The following ARHGAP12 variants were observed in gnomAD, a reference collection of about 807,000 sequenced individuals.
The protein encoded by ARHGAP12 is rho GTPase-activating protein 12.
Under a neutral mutation model 108.6 loss-of-function variants are expected in ARHGAP12, and 64 were observed. That is an observed-to-expected ratio of 0.59 (90% CI 0.48 to 0.73). The LOEUF is 0.73. ARHGAP12 is among the 30% of genes least tolerant of loss of function. The pLI, the probability that ARHGAP12 is intolerant of heterozygous loss-of-function variation, is 0.00. For missense variants in ARHGAP12, 940 were observed against 1,005.9 expected, an observed-to-expected ratio of 0.93 and a Z score of 0.89; for synonymous variants, 312 against 337.2, an observed-to-expected ratio of 0.93 and a Z score of 0.82.
intron 3 of ARHGAP12, among the ~76,000 whole-genome samples, chr10:31,863,297 C>A (rs758943898): frequency 4.6e-5 from 7 of 152,052 alleles, no homozygotes; most frequent in Non-Finnish European, 8.8e-5. Context: ...AAAATAAATT[C>A]TGTTAATATA....
intron 6 of ARHGAP12, among the ~76,000 whole-genome samples, chr10:31,851,969 T>C (rs1836697907): frequency 6.6e-6 from 1 of 152,194 alleles, no homozygotes; most frequent in Non-Finnish European, 1.5e-5. Context: ...GTGATATGCA[T>C]ATGGCCACTT....
Position 31,809,239 on chromosome 10 carries a change from C to G in ARHGAP12, c.2119G>C (p.Val707Leu). 6.2e-7 allele frequency: 1 copy of G among 1,613,872 alleles called. No homozygotes were observed. The highest frequency in any genetic ancestry group is 8.5e-7 in the Non-Finnish European group (1 of 1,179,848). ...LAVIQKLRFAVNHDEKLDLND... is the reference protein window; with the variant it reads ...LAVIQKLRFALNHDEKLDLND... ...GTAAATATAATCTTACCATGATTGACTGCAAACCTTAGTTTCTGGATCACT... is the reference window on the plus strand; with the variant it reads ...GTAAATATAATCTTACCATGATTGAGTGCAAACCTTAGTTTCTGGATCACT... The change falls in exon 17 of 20, where the codon GTC becomes CTC. Residue 707 changes from valine (V) to leucine (L), a missense_variant. Coordinates refer to ENST00000344936, the MANE Select transcript of ARHGAP12 (RefSeq NM_018287.7).
intron 3 of ARHGAP12, among the ~76,000 whole-genome samples, chr10:31,876,915 A>G (rs1392891858): frequency 6.6e-6 from 1 of 152,190 alleles, no homozygotes; most frequent in Non-Finnish European, 1.5e-5. Flanking sequence ...AAGGTTCTAA[A>G]ATACAAAAGA....
At chr10:31,862,236 T>A (rs1006838818) in intron 3 of ARHGAP12, among the ~76,000 whole-genome samples, 1 of 152,212 alleles carries the variant, frequency 6.6e-6, no homozygotes, top group Non-Finnish European at 1.5e-5. Context: ...TACATTCTAT[T>A]CCTTCTCAGG....
chr10:31,894,760 T>G (rs1838607240), intron 3 of ARHGAP12, among the ~76,000 whole-genome samples: 1 of 152,158 alleles, frequency 6.6e-6, no homozygotes, highest in African/African-American at 2.4e-5. Context: ...TTAAAGTTCA[T>G]ATGGAACCAA....
At chr10:31,874,422 T>C (rs1281912552) in intron 3 of ARHGAP12, among the ~76,000 whole-genome samples, 1 of 152,226 alleles carries the variant, frequency 6.6e-6, no homozygotes, top group African/African-American at 2.4e-5. Flanking sequence ...TTAACAAGTA[T>C]GCATGAGAAA....
chr10:31,908,481 T>C lies in ARHGAP12; in HGVS notation c.375A>G (p.Gly125=), dbSNP rs1839225448. The change falls in exon 3 of 20, where the codon GGA becomes GGG. Residue 125 remains glycine, a synonymous_variant. Coordinates refer to ENST00000344936, the MANE Select transcript of ARHGAP12 (RefSeq NM_018287.7). The part of the protein sequence containing the change: ...SFGKPSSSVQ[G]TGLIRDANQN... ...GATTGGCATCACGAATAAGACCTGT[T>C]CCTTGAACAGATGACGATGGCTTTC... 6.2e-7 allele frequency: 1 copy of C among 1,614,256 alleles called. No individual in the cohort carries two copies. The highest frequency in any genetic ancestry group is 8.5e-7 in the Non-Finnish European group (1 of 1,180,052).
In ARHGAP12 at chr10:31,918,267, C is replaced by T. The variant is rs184253156; in HGVS notation, c.-110-7704G>A. Among the ~76,000 whole-genome samples the T allele has an allele frequency of 1.7e-3, 261 of 149,826 alleles. 2 individuals carry two copies. Among genetic ancestry groups the T allele is most frequent in the Admixed American group, 0.014 (213 of 14,940 alleles). On this transcript the variant is annotated intron_variant, in intron 1 of 19. Transcript: ENST00000344936. ...TTAAGGAGCATCTGTATATAAGCGG[C>T]CAGTAAGAACCTGCAAAGATGCTGA... is the stretch of plus-strand genomic sequence containing the variant.
intron 3 of ARHGAP12, among the ~76,000 whole-genome samples, chr10:31,869,059 A>T (rs891365212): frequency 3.9e-5 from 6 of 152,220 alleles, no homozygotes; most frequent in Admixed American, 3.3e-4. Context: ...ACTGAAAGAC[A>T]ATTCTTAAGT....
rs1834873643 is a variant in ARHGAP12, at chr10:31,807,840, G to A, written c.2367-8C>T. 10 of 1,488,688 alleles carry A rather than the reference G, an allele frequency of 6.7e-6. No individual in the cohort carries two copies. Among genetic ancestry groups the A allele is most frequent in the South Asian group, 5.6e-5 (4 of 71,444 alleles). 92.2% of individuals were successfully genotyped at this position (1,488,688 alleles called of 1,614,324 possible). A position where few individuals can be genotyped will look rare whatever the true frequency, so the allele number is the denominator to read the frequency against. ...TCTCCATTTTCTATAACTCTGAAGGGAAAAAAAGAAGTTGTTAAAAGAGAA... is the reference window on the plus strand; with the variant it reads ...TCTCCATTTTCTATAACTCTGAAGGAAAAAAAAGAAGTTGTTAAAAGAGAA... On this transcript the variant is annotated splice_polypyrimidine_tract_variant and splice_region_variant and intron_variant, in intron 19 of 19. Transcript: ENST00000344936.
At chr10:31,894,639 G>C (rs1174104598) in intron 3 of ARHGAP12, among the ~76,000 whole-genome samples, 1 of 152,226 alleles carries the variant, frequency 6.6e-6, no homozygotes, top group Non-Finnish European at 1.5e-5. Context: ...CTCATGGATA[G>C]GAAGAATCAA....
intron 3 of ARHGAP12, among the ~76,000 whole-genome samples, chr10:31,905,802 G>T (rs1334401652): frequency 4.0e-5 from 6 of 151,302 alleles, no homozygotes; most frequent in African/African-American, 1.5e-4. Context: ...GGGGAAAAGA[G>T]GACTGTTGAT....
At chr10:31,854,315 AATAT>A (rs1275030463) in intron 4 of ARHGAP12, 109 bp from the exon 5 acceptor site, 1 of 896,358 alleles carries the variant, frequency 1.1e-6, no homozygotes, top group East Asian at 2.8e-5. Flanking sequence ...AGATATCTTA[AATAT>A]ATCTGAATAT....
chr10:31,910,339 A>C lies in ARHGAP12; in HGVS notation c.-72+186T>G, dbSNP rs1174811316. ...ACAAGTACTGAGCATATTATTCTAC[A>C]CTACAGGTGTAGTAACCATCATTCT... On this transcript the variant is annotated intron_variant, in intron 2 of 19. Coordinates refer to ENST00000344936, the MANE Select transcript of ARHGAP12 (RefSeq NM_018287.7). Among the ~76,000 whole-genome samples, 6 of 152,194 alleles carry C rather than the reference A, an allele frequency of 3.9e-5. No individual in the cohort carries two copies. The East Asian group carries it at 1.2e-3, about 29-fold the overall frequency.
intron 3 of ARHGAP12, among the ~76,000 whole-genome samples, chr10:31,871,784 G>C (rs1437861404): frequency 6.6e-6 from 1 of 152,194 alleles, no homozygotes; most frequent in Non-Finnish European, 1.5e-5. Context: ...AGAGGTGACA[G>C]ACACCACAGT....
chr10:31,861,248 A>G, intron 4 of ARHGAP12, 147 bp downstream of exon 4: 1 of 989,564 alleles, frequency 1.0e-6, no homozygotes, highest in Non-Finnish European at 1.4e-6. Context: ...ATATTTTAGT[A>G]AAGCTTGGAA....
chr10:31,869,660 T>C (rs2132331286), intron 3 of ARHGAP12, among the ~76,000 whole-genome samples: 1 of 152,310 alleles, frequency 6.6e-6, no homozygotes, highest in African/African-American at 2.4e-5. Flanking sequence ...CCTCTGCACA[T>C]GACCTAATTT....
intron 3 of ARHGAP12, among the ~76,000 whole-genome samples, chr10:31,864,595 C>T (rs1370764746): frequency 1.3e-5 from 2 of 152,044 alleles, no homozygotes; most frequent in African/African-American, 4.8e-5. Flanking sequence ...AAACTAATGA[C>T]AAACACGAAC....
intron 1 of ARHGAP12, among the ~76,000 whole-genome samples, chr10:31,927,746 C>T (rs576914241): frequency 3.0e-4 from 46 of 152,292 alleles, no homozygotes; most frequent in African/African-American, 1.1e-3. Context: ...AAAAGGAAAA[C>T]ATCACACGCC....
Sources: gnomAD v4.1 joint callset for allele counts (sites outside exome capture counted in the v4.1 genomes callset) on GRCh38, gnomAD v4.1.1 for gene constraint, MANE v1.5 for transcripts, NCBI Gene and HGNC (gene_info 2026-07-23, HGNC 2026-07-21) for gene names.